SORCS2: variants seen among roughly 807,000 people sequenced by gnomAD.
SORCS2 encodes VPS10 domain-containing receptor SorCS2.
SORCS2 carries 100 observed loss-of-function variants against 141.6 expected under a neutral mutation model. That is an observed-to-expected ratio of 0.71 (90% CI 0.60 to 0.83). The LOEUF is 0.83. Ranked by LOEUF, SORCS2 falls within the 40% of genes least tolerant of loss-of-function variation. The probability of loss-of-function intolerance (pLI) is 0.00; values close to 1 mark genes in which losing one functional copy is unlikely to be tolerated. For missense variants in SORCS2, 1,646 were observed against 1,560.2 expected, an observed-to-expected ratio of 1.05 and a Z score of -0.93; for synonymous variants, 789 against 676.9, an observed-to-expected ratio of 1.17 and a Z score of -2.57.
chr4:7,669,231 A>G (rs1271579185), intron 8 of SORCS2, among the ~76,000 whole-genome samples: 1 of 152,242 alleles, frequency 6.6e-6, no homozygotes, highest in African/African-American at 2.4e-5. Flanking sequence ...GCCTCAGGTC[A>G]TTCAGTTTCA....
At chr4:7,713,123 G>A (rs906589975) in intron 15 of SORCS2, among the ~76,000 whole-genome samples, 4 of 152,100 alleles carry the variant, frequency 2.6e-5, no homozygotes, top group African/African-American at 9.7e-5. Flanking sequence ...TCCAGCCCAT[G>A]GAGTCCAGTA....
chr4:7,478,787 G>C lies in SORCS2; in HGVS notation c.549-52743G>C, dbSNP rs1228443115. Among the ~76,000 whole-genome samples, 3 of 152,216 alleles carry C rather than the reference G, an allele frequency of 2.0e-5. No homozygotes were observed. The East Asian group carries it at 5.8e-4, about 29-fold the overall frequency. ...TTCTGTGATCACTGGGAAGGGGACA[G>C]AGTGGGCACATGGCATAGGCACTCG... On this transcript the variant is annotated intron_variant, in intron 2 of 26. Transcript: ENST00000507866.
intron 3 of SORCS2, among the ~76,000 whole-genome samples, chr4:7,631,167 A>G (rs78921993): frequency 0.086 from 12,986 of 150,468 alleles, 738 homozygotes; most frequent in East Asian, 0.22. Flanking sequence ...GCCCTGCCAG[A>G]GGAAGATGAC....
chr4:7,622,412 G>A (rs564563039), intron 3 of SORCS2, among the ~76,000 whole-genome samples: 3 of 152,288 alleles, frequency 2.0e-5, no homozygotes, highest in East Asian at 3.9e-4. Context: ...AGCGAGGTAG[G>A]GAGCCTCTTG....
chr4:7,351,358 C>G (rs1461834410), intron 1 of SORCS2, among the ~76,000 whole-genome samples: 1 of 152,206 alleles, frequency 6.6e-6, no homozygotes. Context: ...CCTCCTCTCC[C>G]CATCCCCGTG....
rs551668701 is a variant in SORCS2, at chr4:7,417,258, A to G, written c.548+20903A>G. On this transcript the variant is annotated intron_variant, in intron 2 of 26. Coordinates refer to ENST00000507866, the MANE Select transcript of SORCS2 (RefSeq NM_020777.3). ...CTTGTCCAGGGATGATGCTCTTTTT[A>G]TAAGGGTCCTTGTGGAGTGGCTGAG... Among the ~76,000 whole-genome samples the G allele has an allele frequency of 2.0e-5, 3 of 152,244 alleles. No homozygotes were observed. The East Asian group carries it at 5.8e-4, about 29-fold the overall frequency.
intron 1 of SORCS2, among the ~76,000 whole-genome samples, chr4:7,322,874 C>G (rs1718985389): frequency 6.6e-6 from 1 of 152,194 alleles, no homozygotes; most frequent in Non-Finnish European, 1.5e-5. Context: ...AGCTGCGGCT[C>G]CTCAGCCCCT....
chr4:7,338,017 G>T (rs572412952), intron 1 of SORCS2, among the ~76,000 whole-genome samples: 1 of 152,330 alleles, frequency 6.6e-6, no homozygotes, highest in East Asian at 1.9e-4. Flanking sequence ...CCTGGGCATT[G>T]CGTACCTGCT....
chr4:7,507,314 A>C (rs1354091538), intron 2 of SORCS2, among the ~76,000 whole-genome samples: 4 of 152,118 alleles, frequency 2.6e-5, no homozygotes, highest in African/African-American at 9.7e-5. Context: ...AGCTGGGATT[A>C]CAGGCGCGTG....
chr4:7,715,152 G>T, intron 16 of SORCS2, 31 bp from the exon 17 acceptor site: 1 of 1,609,182 alleles, frequency 6.2e-7, no homozygotes, highest in Non-Finnish European at 8.5e-7. Context: ...ACCTGTGCCC[G>T]TCACTTACCA....
intron 2 of SORCS2, among the ~76,000 whole-genome samples, chr4:7,411,451 TCTTC>T (rs933931971): frequency 2.6e-5 from 4 of 152,028 alleles, no homozygotes; most frequent in Non-Finnish European, 4.4e-5. Context: ...ATCAATGCTT[TCTTC>T]CTTCCTTCCA....
intron 1 of SORCS2, among the ~76,000 whole-genome samples, chr4:7,291,951 C>T (rs948273963): frequency 2.0e-5 from 3 of 152,210 alleles, no homozygotes; most frequent in South Asian, 2.1e-4. Flanking sequence ...ACAGGTCTCA[C>T]GGGGCCAAGG....
intron 4 of SORCS2, among the ~76,000 whole-genome samples, chr4:7,649,578 C>T (rs1043813049): frequency 9.9e-5 from 15 of 151,930 alleles, no homozygotes; most frequent in African/African-American, 1.5e-4. Flanking sequence ...GCATCTGAAG[C>T]GTGGTGACTT....
intron 1 of SORCS2, among the ~76,000 whole-genome samples, chr4:7,367,326 A>G (rs1193967291): frequency 6.6e-6 from 1 of 152,216 alleles, no homozygotes; most frequent in African/African-American, 2.4e-5. Flanking sequence ...CAGAGTGGGG[A>G]AGCACAGGCC....
intron 1 of SORCS2, among the ~76,000 whole-genome samples, chr4:7,291,495 G>A (rs1716601176): frequency 6.6e-6 from 1 of 152,138 alleles, no homozygotes; most frequent in East Asian, 1.9e-4. Flanking sequence ...GGATGGTGGT[G>A]CCCTTCCTGG....
intron 3 of SORCS2, among the ~76,000 whole-genome samples, chr4:7,569,232 G>T (rs1715217360): frequency 6.6e-6 from 1 of 152,216 alleles, no homozygotes; most frequent in Non-Finnish European, 1.5e-5. Context: ...ATCCACAGAG[G>T]CTGGGTGTGG....
At chr4:7,407,084 C>G (rs1014164587) in intron 2 of SORCS2, among the ~76,000 whole-genome samples, 10 of 152,020 alleles carry the variant, frequency 6.6e-5, no homozygotes, top group Non-Finnish European at 1.3e-4. Context: ...TTTGTTCAGA[C>G]CTGTTTCGTG....
intron 3 of SORCS2, among the ~76,000 whole-genome samples, chr4:7,608,027 G>T (rs1486982511): frequency 6.6e-6 from 1 of 152,116 alleles, no homozygotes; most frequent in African/African-American, 2.4e-5. Flanking sequence ...GACATGCCAT[G>T]CCCTGCCAGG....
chr4:7,572,927 A>C (rs1715495713), intron 3 of SORCS2, among the ~76,000 whole-genome samples: 1 of 152,256 alleles, frequency 6.6e-6, no homozygotes, highest in African/African-American at 2.4e-5. Flanking sequence ...ACAACATTTC[A>C]TAACATTGGA....
Sources: allele counts gnomAD v4.1 joint callset (sites outside exome capture counted in the v4.1 genomes callset), GRCh38; gene constraint gnomAD v4.1.1; transcripts MANE v1.5; gene names NCBI Gene and HGNC (gene_info 2026-07-23, HGNC 2026-07-21).